PHACTR1: variants seen among roughly 807,000 people sequenced by gnomAD.
The protein encoded by PHACTR1 is phosphatase and actin regulator 1.
In PHACTR1, 16 loss-of-function variants were observed where a neutral mutation model predicts 69.2. The ratio of observed to expected loss-of-function variants is 0.23; its 90% confidence interval spans 0.16 to 0.35. The LOEUF is 0.35. Ranked by LOEUF, PHACTR1 falls within the 10% of genes least tolerant of loss-of-function variation. The probability of loss-of-function intolerance (pLI) is 1.00; values close to 1 mark genes in which losing one functional copy is unlikely to be tolerated. For missense variants in PHACTR1, 510 were observed against 734.7 expected (o/e 0.69, Z 3.54); for synonymous variants, 312 against 284.5 (o/e 1.10, Z -0.97).
At chr6:12,945,192 C>G (rs1339900195) in intron 4 of PHACTR1, among the ~76,000 whole-genome samples, 1 of 152,154 alleles carries the variant, frequency 6.6e-6, no homozygotes, top group Non-Finnish European at 1.5e-5. Flanking sequence ...TGACTAACTC[C>G]TACTTCTCTT....
At chr6:13,238,548 G>A (rs773571485) in intron 10 of PHACTR1, among the ~76,000 whole-genome samples, 13 of 152,134 alleles carry the variant, frequency 8.5e-5, no homozygotes, top group African/African-American at 2.4e-4. Flanking sequence ...AGGATTATGC[G>A]CTGCTTTAAA....
At chr6:12,817,902 C>T (rs1303080009) in intron 4 of PHACTR1, among the ~76,000 whole-genome samples, 1 of 151,602 alleles carries the variant, frequency 6.6e-6, no homozygotes, top group Admixed American at 6.6e-5. Context: ...CGGCTCACTG[C>T]ATGCTCTGCC....
intron 4 of PHACTR1, among the ~76,000 whole-genome samples, chr6:12,860,758 C>T (rs1340330339): frequency 6.6e-6 from 1 of 152,164 alleles, no homozygotes. Flanking sequence ...TGATGATGAG[C>T]TCTTTTTCAT....
chr6:12,991,774 A>G (rs748010860), intron 4 of PHACTR1, among the ~76,000 whole-genome samples: 5 of 152,166 alleles, frequency 3.3e-5, no homozygotes, highest in Admixed American at 6.5e-5. Context: ...GTGTTTGTGG[A>G]GGAGGAGATC....
At chr6:13,030,323 A>G (rs1802274950) in intron 4 of PHACTR1, among the ~76,000 whole-genome samples, 1 of 152,248 alleles carries the variant, frequency 6.6e-6, no homozygotes. Context: ...TATAAAATTC[A>G]TGTGAAGAAA....
chr6:13,234,744 A>G (rs1771729951), intron 10 of PHACTR1, among the ~76,000 whole-genome samples: 3 of 152,232 alleles, frequency 2.0e-5, no homozygotes, highest in Admixed American at 2.0e-4. Flanking sequence ...TAAGCAAGTC[A>G]TCTGGATTTT....
chr6:13,117,555 G>A (rs1199927431), intron 5 of PHACTR1, among the ~76,000 whole-genome samples: 2 of 151,984 alleles, frequency 1.3e-5, no homozygotes, highest in African/African-American at 2.4e-5. Context: ...TTTTTATTTC[G>A]CACCTGTTGT....
At chr6:12,884,459 G>A (rs958664402) in intron 4 of PHACTR1, among the ~76,000 whole-genome samples, 3 of 151,494 alleles carry the variant, frequency 2.0e-5, no homozygotes, top group East Asian at 3.9e-4. Context: ...GGAGTGCAGC[G>A]GTGCAATCTC....
chr6:12,960,574 T>C (rs1437269731), intron 4 of PHACTR1, among the ~76,000 whole-genome samples: 1 of 152,186 alleles, frequency 6.6e-6, no homozygotes, highest in Non-Finnish European at 1.5e-5. Context: ...ACTCTACCAC[T>C]GGGTCACAGC....
chr6:12,971,996 A>G (rs1018929772), intron 4 of PHACTR1, among the ~76,000 whole-genome samples: 3 of 152,202 alleles, frequency 2.0e-5, no homozygotes, highest in Non-Finnish European at 2.9e-5. Context: ...TTGAGCACCT[A>G]CTGTATAAGA....
chr6:13,183,876 C>T (rs746683200), intron 7 of PHACTR1, among the ~76,000 whole-genome samples: 5 of 152,162 alleles, frequency 3.3e-5, no homozygotes, highest in African/African-American at 7.2e-5. Flanking sequence ...GCCAAGCTAC[C>T]GGCATGATAG....
At chr6:13,104,626 A>T (rs895505295) in intron 5 of PHACTR1, among the ~76,000 whole-genome samples, 3 of 152,218 alleles carry the variant, frequency 2.0e-5, no homozygotes, top group Non-Finnish European at 4.4e-5. Context: ...CTCTTAATTG[A>T]TACAGCCTTT....
chr6:13,059,783 G>A (rs1227162680), intron 5 of PHACTR1, among the ~76,000 whole-genome samples: 1 of 152,088 alleles, frequency 6.6e-6, no homozygotes, highest in Non-Finnish European at 1.5e-5. Context: ...TCCAATTTTA[G>A]GTGTGTAGAT....
At chr6:13,171,467 C>T (rs1760608766) in intron 6 of PHACTR1, among the ~76,000 whole-genome samples, 1 of 152,212 alleles carries the variant, frequency 6.6e-6, no homozygotes, top group Non-Finnish European at 1.5e-5. Flanking sequence ...ATGTAAGGCC[C>T]ATGGTTGTGA....
intron 3 of PHACTR1, among the ~76,000 whole-genome samples, chr6:12,741,409 A>G (rs1227795192): frequency 1.3e-5 from 2 of 151,994 alleles, no homozygotes; most frequent in African/African-American, 4.8e-5. Context: ...AACCTTTCAT[A>G]TTTAAGTCCA....
At chr6:12,803,810 T>C (rs1773979610) in intron 4 of PHACTR1, among the ~76,000 whole-genome samples, 1 of 152,150 alleles carries the variant, frequency 6.6e-6, no homozygotes, top group South Asian at 2.1e-4. Flanking sequence ...TAGCAGGGCA[T>C]TCCCAGTTGT....
At chr6:12,960,317 T>A (rs1792545859) in intron 4 of PHACTR1, among the ~76,000 whole-genome samples, 1 of 152,246 alleles carries the variant, frequency 6.6e-6, no homozygotes, top group Non-Finnish European at 1.5e-5. Context: ...GACCACAAAG[T>A]ACTTGAAACA....
At chr6:13,241,987 T>G (rs1328821912) in intron 10 of PHACTR1, among the ~76,000 whole-genome samples, 2 of 147,882 alleles carry the variant, frequency 1.4e-5, no homozygotes, top group Non-Finnish European at 3.0e-5. Flanking sequence ...GAGCTGAGTT[T>G]GCACCACTGC....
intron 4 of PHACTR1, among the ~76,000 whole-genome samples, chr6:12,770,909 G>A (rs1000737315): frequency 3.3e-5 from 5 of 152,144 alleles, no homozygotes; most frequent in East Asian, 3.9e-4. Context: ...AGTTTCTCCC[G>A]GAAAGGCAGA....
Sources: gnomAD v4.1 joint callset for allele counts (sites outside exome capture counted in the v4.1 genomes callset) on GRCh38, gnomAD v4.1.1 for gene constraint, MANE v1.5 for transcripts, NCBI Gene and HGNC (gene_info 2026-07-23, HGNC 2026-07-21) for gene names.